ZFPM1: variants seen among roughly 807,000 people sequenced by gnomAD.
ZFPM1 encodes the protein zinc finger protein, FOG family member 1.
A neutral mutation model predicts 46.3 loss-of-function variants in ZFPM1; 28 were observed. That is an observed-to-expected ratio of 0.60 (90% CI 0.45 to 0.83). The LOEUF (loss-of-function observed/expected upper bound fraction) is 0.83, where lower values mean the gene tolerates loss of function less well. ZFPM1 is among the 40% of genes least tolerant of loss of function. The probability of loss-of-function intolerance (pLI) is 0.00; values close to 1 mark genes in which losing one functional copy is unlikely to be tolerated. For missense variants in ZFPM1, 1,878 were observed against 1,432.4 expected (o/e 1.31, Z -5.02); for synonymous variants, 957 against 675.9 (o/e 1.42, Z -6.45).
At chr16:88,452,889 C>T (rs1290908304), upstream of ZFPM1, among the ~76,000 whole-genome samples, 1 of 152,174 alleles carries the variant, frequency 6.6e-6, no homozygotes, top group African/African-American at 2.4e-5. Flanking sequence ...ACTCCCAGCG[C>T]GGCCTGGGGA....
rs1908411896 is a variant in ZFPM1, at chr16:88,471,361, G to A, written c.41-14578G>A. The stretch of plus-strand genomic sequence containing the variant: ...GATGACTGTGTCCGTGGCGGCTCCC[G>A]CTCACAGTTCAGGACCCCGAGATGA... On this transcript the variant is annotated intron_variant, in intron 1 of 9. Transcript: ENST00000319555. The surrounding 1 kb of genome is among the most constrained non-coding windows in gnomAD (Gnocchi z 4.1). Among the ~76,000 whole-genome samples, 2 of 152,122 alleles carry A rather than the reference G, an allele frequency of 1.3e-5. No individual in the cohort carries two copies. Among genetic ancestry groups the A allele is most frequent in the African/African-American group, 2.4e-5 (1 of 41,432 alleles).
At chr16:88,496,481 C>T (rs546548186) in intron 3 of ZFPM1, among the ~76,000 whole-genome samples, 8 of 152,180 alleles carry the variant, frequency 5.3e-5, no homozygotes, top group African/African-American at 1.9e-4. Context: ...CCACTGACTC[C>T]AGGGGCAAAG....
At chr16:88,465,572 G>T (rs1022008862) in intron 1 of ZFPM1, among the ~76,000 whole-genome samples, 3 of 151,674 alleles carry the variant, frequency 2.0e-5, no homozygotes, top group Admixed American at 2.0e-4. Context: ...CTGGTGCCTA[G>T]AACAGTGCCC....
At chr16:88,489,266 A>ACCAGGC in intron 3 of ZFPM1, 113 bp downstream of exon 3, 1 of 1,438,994 alleles carries the variant, frequency 6.9e-7, no homozygotes, top group Middle Eastern at 2.5e-4. Flanking sequence ...CTGGAGACCC[A>ACCAGGC]CCAGGCCCAG....
chr16:88,520,625 G>A lies in ZFPM1; in HGVS notation c.402+6105G>A, dbSNP rs139957057. On this transcript the variant is annotated intron_variant, in intron 4 of 9. Transcript: ENST00000319555. ...GGGTGGATGGATGATTAGGTGGGTGGGTGGATGGTGGATAGATGGATGGGT... is the reference window on the plus strand; with the variant it reads ...GGGTGGATGGATGATTAGGTGGGTGAGTGGATGGTGGATAGATGGATGGGT... 3.2e-3 allele frequency among the ~76,000 whole-genome samples: 449 copies of A among 140,746 alleles called. 4 individuals are homozygous for A. The highest frequency in any genetic ancestry group is 4.8e-3 in the Non-Finnish European group (312 of 64,428). The allele number at this position is 140,746 out of a possible 152,430, so 92.3% of individuals were successfully genotyped here. A position where few individuals can be genotyped will look rare whatever the true frequency, so the allele number is the denominator to read the frequency against.
chr16:88,460,745 C>G (rs540391226), intron 1 of ZFPM1, among the ~76,000 whole-genome samples: 1 of 152,298 alleles, frequency 6.6e-6, no homozygotes, highest in South Asian at 2.1e-4. Flanking sequence ...ACAGTAGGTG[C>G]TTAAATAGCA....
At chr16:88,473,387 AC>A (rs1300425815) in intron 1 of ZFPM1, among the ~76,000 whole-genome samples, 11 of 152,194 alleles carry the variant, frequency 7.2e-5, no homozygotes, top group Admixed American at 7.2e-4. Flanking sequence ...CTGTACAGCC[AC>A]TGATGAGGGG....
chr16:88,453,563 C>G lies in ZFPM1; in HGVS notation c.-76C>G, dbSNP rs912300245. On this transcript the variant is annotated 5_prime_UTR_variant, in exon 1 of 10. Coordinates refer to ENST00000319555, the MANE Select transcript of ZFPM1 (RefSeq NM_153813.3). Reference sequence around the variant, plus strand: ...GGGGGCATGAGCGGCCCCGCGGCCCCGCCGCGCCCCCGCCGCCCGCCGCCG... The same window carrying G: ...GGGGGCATGAGCGGCCCCGCGGCCCGGCCGCGCCCCCGCCGCCCGCCGCCG... 1.2e-6 allele frequency: 1 copy of G among 836,012 alleles called. No homozygotes were observed. Among genetic ancestry groups the G allele is most frequent in the African/African-American group, 1.9e-5 (1 of 53,588 alleles). 51.8% of individuals were successfully genotyped at this position (836,012 alleles called of 1,614,324 possible). A position where few individuals can be genotyped will look rare whatever the true frequency, so the allele number is the denominator to read the frequency against.
intron 3 of ZFPM1, among the ~76,000 whole-genome samples, chr16:88,499,739 G>C (rs3848232): frequency 0.36 from 54,781 of 152,100 alleles, 10,373 homozygotes; most frequent in East Asian, 0.47. Context: ...CAGGAGAGGT[G>C]AGGTAGCCAC....
intron 3 of ZFPM1, among the ~76,000 whole-genome samples, chr16:88,508,965 G>A (rs896806119): frequency 4.6e-5 from 7 of 152,312 alleles, no homozygotes; most frequent in Admixed American, 2.0e-4. Context: ...GCGCGTCATC[G>A]TGGACAGAGG....
intron 3 of ZFPM1, among the ~76,000 whole-genome samples, chr16:88,492,185 TTC>T (rs368297743): frequency 3.0e-4 from 44 of 148,562 alleles, no homozygotes; most frequent in Non-Finnish European, 3.0e-4. Context: ...CTGCCTCTCT[TTC>T]TCTCTCTCTC....
chr16:88,517,485 TGG>T (rs1911413322), intron 4 of ZFPM1, among the ~76,000 whole-genome samples: 1 of 133,220 alleles, frequency 7.5e-6, no homozygotes. Flanking sequence ...GGTGGATGGA[TGG>T]ATGGATGGAT....
At chr16:88,473,453 CGA>C in intron 1 of ZFPM1, among the ~76,000 whole-genome samples, 1 of 152,154 alleles carries the variant, frequency 6.6e-6, no homozygotes. Context: ...GGCCTGTCCT[CGA>C]GGGCCGCAGG....
intron 1 of ZFPM1, among the ~76,000 whole-genome samples, 193 bp downstream of exon 1, chr16:88,453,871 T>A (rs950738586): frequency 1.1e-4 from 16 of 151,544 alleles, no homozygotes; most frequent in Admixed American, 2.0e-4. Context: ...GCGTCTCGGC[T>A]TGGGCACCGG....
intron 3 of ZFPM1, among the ~76,000 whole-genome samples, chr16:88,498,259 G>T (rs181552720): frequency 1.3e-5 from 2 of 152,148 alleles, no homozygotes; most frequent in Non-Finnish European, 2.9e-5. Context: ...TGGGGAGCCC[G>T]AGACAGAACC....
intron 3 of ZFPM1, among the ~76,000 whole-genome samples, chr16:88,499,933 C>G (rs962521049): frequency 6.6e-6 from 1 of 152,212 alleles, no homozygotes; most frequent in East Asian, 1.9e-4. Flanking sequence ...CCATGAGGAG[C>G]GCAGCCGGAG....
At chr16:88,479,998 G>A (rs902865349) in intron 1 of ZFPM1, among the ~76,000 whole-genome samples, 6 of 151,488 alleles carry the variant, frequency 4.0e-5, no homozygotes, top group South Asian at 2.1e-4. Flanking sequence ...TCACATCTGC[G>A]CCCAGCGCCC....
rs549507245 is a variant in ZFPM1 at position 88,478,762 on chromosome 16, G to A, written c.41-7177G>A. 8.5e-5 allele frequency among the ~76,000 whole-genome samples: 13 copies of A among 152,360 alleles called. No homozygotes were observed. In the East Asian group the frequency reaches 1.7e-3, roughly 20 times the overall value. On this transcript the variant is annotated intron_variant, in intron 1 of 9. Transcript: ENST00000319555. ...ACTGCACATAGAGGCGAGGGTTCCC[G>A]TAGAGGGGGCAGGGGGTGCTGAGGC...
chr16:88,514,926 C>G (rs1167133852), intron 4 of ZFPM1, among the ~76,000 whole-genome samples: 1 of 152,180 alleles, frequency 6.6e-6, no homozygotes, highest in African/African-American at 2.4e-5. Context: ...GCGGACTCTT[C>G]TGACGACAGG....
Sources: gnomAD v4.1 joint callset for allele counts (sites outside exome capture counted in the v4.1 genomes callset) on GRCh38, gnomAD v4.1.1 for gene constraint, Gnocchi (gnomAD v3.1) non-coding constraint, MANE v1.5 for transcripts, NCBI Gene and HGNC (gene_info 2026-07-23, HGNC 2026-07-21) for gene names.